The following ATXN7 variants were observed in gnomAD, a reference collection of about 807,000 sequenced individuals.
The protein encoded by ATXN7 is ataxin 7.
Under a neutral mutation model 70.5 loss-of-function variants are expected in ATXN7, and 12 were observed. The observed-to-expected ratio is 0.17, with a 90% CI of 0.11 to 0.28. ATXN7 has a LOEUF of 0.28. Among genes scored for constraint, ATXN7 ranks in the 10% least tolerant of loss-of-function variants. The probability of loss-of-function intolerance (pLI) is 1.00; values close to 1 mark genes in which losing one functional copy is unlikely to be tolerated. For missense variants in ATXN7, 1,256 were observed against 1,131.7 expected (o/e 1.11, Z -1.58); for synonymous variants, 498 against 448.7 (o/e 1.11, Z -1.39).
upstream of ATXN7, chr3:63,863,504 C>A: frequency 8.4e-7 from 1 of 1,184,422 alleles, no homozygotes; most frequent in Non-Finnish European, 1.0e-6. Flanking sequence ...CCCGGCACAC[C>A]CTATAGCCCC....
rs376915162 is a variant in ATXN7 at position 63,892,495 on chromosome 3, CCA to C, written c.-110-5886_-110-5885del. 3.3e-3 allele frequency among the ~76,000 whole-genome samples: 417 copies of C among 126,726 alleles called. 1 individual carries two copies. The highest frequency in any genetic ancestry group is 0.012 in the African/African-American group (382 of 31,158). The allele number at this position is 126,726 out of a possible 152,430, so 83.1% of individuals were successfully genotyped here. On this transcript the variant is annotated intron_variant, in intron 1 of 12. Coordinates refer to ENST00000674280, the MANE Select transcript of ATXN7 (RefSeq NM_001377405.1). ...CACACACACACACACACACACACACCCACACACACACACACACACCCCAACTC... is the reference window on the plus strand; with the variant it reads ...CACACACACACACACACACACACACCCACACACACACACACACCCCAACTC...
intron 5 of ATXN7, among the ~76,000 whole-genome samples, chr3:63,969,677 C>T (rs1326764380): frequency 6.6e-6 from 1 of 151,994 alleles, no homozygotes; most frequent in Non-Finnish European, 1.5e-5. Flanking sequence ...AAACAGTGAC[C>T]TAGACCAAAT....
chr3:63,983,175 G>A (rs2075517992), intron 8 of ATXN7, among the ~76,000 whole-genome samples, 154 bp downstream of exon 8: 1 of 152,206 alleles, frequency 6.6e-6, no homozygotes, highest in African/African-American at 2.4e-5. Context: ...TTCTGTTGAA[G>A]AAAGCCTCAG....
At chr3:63,910,338 G>C (rs908371833) in intron 2 of ATXN7, among the ~76,000 whole-genome samples, 1 of 152,168 alleles carries the variant, frequency 6.6e-6, no homozygotes, top group African/African-American at 2.4e-5. Flanking sequence ...AGCTCCCTTT[G>C]TTATCTATAT....
chr3:63,983,489 A>G lies in ATXN7; in HGVS notation c.1095+468A>G, dbSNP rs554602978. Reference sequence around the variant, plus strand: ...GAAATATCCCTGTTTTCTAGTTTAAAAAAAAAATACTGCAAGCCAGGCATG... The same window carrying G: ...GAAATATCCCTGTTTTCTAGTTTAAGAAAAAAATACTGCAAGCCAGGCATG... On this transcript the variant is annotated intron_variant, in intron 8 of 12. Transcript: ENST00000674280. 2.0e-5 allele frequency among the ~76,000 whole-genome samples: 3 copies of G among 152,250 alleles called. No individual in the cohort carries two copies. In the South Asian group the frequency reaches 6.2e-4, roughly 32 times the overall value.
At chr3:63,947,577 A>G (rs1035082296) in intron 4 of ATXN7, among the ~76,000 whole-genome samples, 4 of 151,954 alleles carry the variant, frequency 2.6e-5, no homozygotes, top group Admixed American at 1.3e-4. Context: ...GGGCGACAGA[A>G]ACCTTGTGTC....
chr3:63,954,444 G>A (rs566256915), intron 5 of ATXN7, among the ~76,000 whole-genome samples: 2 of 152,262 alleles, frequency 1.3e-5, no homozygotes, highest in African/African-American at 4.8e-5. Context: ...AAGGCAGGCT[G>A]GGACTAGCTC....
intron 11 of ATXN7, among the ~76,000 whole-genome samples, chr3:63,991,956 G>A (rs1462907020): frequency 1.3e-5 from 2 of 152,110 alleles, no homozygotes; most frequent in East Asian, 1.9e-4. Flanking sequence ...TTTTCACCTC[G>A]GAACCTTTTT....
chr3:63,998,062 T>G, intron 12 of ATXN7: 2 of 985,390 alleles, frequency 2.0e-6, no homozygotes, highest in Non-Finnish European at 2.4e-6. Context: ...CGCACCGTCT[T>G]TGAGAGAGAC....
At chr3:63,901,440 A>G (rs923803736) in intron 2 of ATXN7, 10 of 152,184 alleles carry the variant, frequency 6.6e-5, no homozygotes, top group African/African-American at 1.9e-4. Flanking sequence ...GGTAACCACC[A>G]TTCTATTCTC....
At chr3:63,947,382 T>G (rs964570511) in intron 4 of ATXN7, among the ~76,000 whole-genome samples, 1 of 152,116 alleles carries the variant, frequency 6.6e-6, no homozygotes, top group East Asian at 1.9e-4. Context: ...CCCAGGAGTT[T>G]GAGACCATTC....
chr3:63,886,199 A>G (rs1281168354), intron 1 of ATXN7, among the ~76,000 whole-genome samples: 1 of 152,208 alleles, frequency 6.6e-6, no homozygotes. Flanking sequence ...ATCTAAAAAC[A>G]TTGAACCACA....
At chr3:63,919,846 T>C (rs983984494) in intron 4 of ATXN7, among the ~76,000 whole-genome samples, 5 of 147,946 alleles carry the variant, frequency 3.4e-5, no homozygotes, top group Non-Finnish European at 7.4e-5. Flanking sequence ...AGCGCTGTTA[T>C]TGCCCCAGCT....
At chr3:63,966,456 A>C (rs558319631) in intron 5 of ATXN7, among the ~76,000 whole-genome samples, 1 of 152,076 alleles carries the variant, frequency 6.6e-6, no homozygotes, top group East Asian at 1.9e-4. Flanking sequence ...GATTTGGGAG[A>C]TGTATCCTCA....
rs78478258 is a variant in ATXN7, at chr3:63,970,334, A to T, written c.500-9581A>T. On this transcript the variant is annotated intron_variant, in intron 5 of 12. Transcript: ENST00000674280. ...TGAACAGGGTTGCAGGAGCATAAAA[A>T]GGGCGTCCTTCAGGAACTGAACTGA... Among the ~76,000 whole-genome samples, 12 of 152,258 alleles carry T rather than the reference A, an allele frequency of 7.9e-5. No homozygotes were observed. In the East Asian group the frequency reaches 2.3e-3, roughly 29 times the overall value.
chr3:63,929,180 A>T (rs1416241080), intron 4 of ATXN7, among the ~76,000 whole-genome samples: 1 of 152,188 alleles, frequency 6.6e-6, no homozygotes, highest in African/African-American at 2.4e-5. Flanking sequence ...ATCTGAGAAG[A>T]TAAACACAAC....
chr3:63,864,211 G>A (rs1488611980), intron 1 of ATXN7, among the ~76,000 whole-genome samples, 53 bp downstream of exon 1: 1 of 149,968 alleles, frequency 6.7e-6, no homozygotes, highest in African/African-American at 2.4e-5. Context: ...GGAGCTGCGG[G>A]CCGCCCGCAG....
At chr3:63,891,710 G>T (rs1414212032) in intron 1 of ATXN7, among the ~76,000 whole-genome samples, 1 of 152,150 alleles carries the variant, frequency 6.6e-6, no homozygotes, top group Non-Finnish European at 1.5e-5. Flanking sequence ...CAAACTATGT[G>T]CTCAGGCAGA....
At chr3:63,932,197 A>C (rs1488432988) in intron 4 of ATXN7, among the ~76,000 whole-genome samples, 1 of 152,204 alleles carries the variant, frequency 6.6e-6, no homozygotes, top group East Asian at 1.9e-4. Flanking sequence ...GTAATTAAAA[A>C]ATTTTTTAAT....
Sources: allele counts gnomAD v4.1 joint callset (sites outside exome capture counted in the v4.1 genomes callset), GRCh38; gene constraint gnomAD v4.1.1; transcripts MANE v1.5; gene names NCBI Gene and HGNC (gene_info 2026-07-23, HGNC 2026-07-21).